SEPTIN10: variants seen among roughly 807,000 people sequenced by gnomAD.
SEPTIN10 encodes septin-10.
Under a neutral mutation model 54.8 loss-of-function variants are expected in SEPTIN10, and 66 were observed. The ratio of observed to expected loss-of-function variants is 1.21; its 90% CI spans 0.99 to 1.48. The LOEUF is 1.48. Among genes scored for constraint, SEPTIN10 ranks in the 40% most tolerant of loss-of-function variants. SEPTIN10 has a pLI of 0.00. For missense variants in SEPTIN10, 620 were observed against 545.6 expected, an observed-to-expected ratio of 1.14 and a Z score of -1.36; for synonymous variants, 161 against 181.0, an observed-to-expected ratio of 0.89 and a Z score of 0.89.
chr2:109,589,968 G>C (rs934663008), intron 2 of SEPTIN10, among the ~76,000 whole-genome samples: 1 of 151,770 alleles, frequency 6.6e-6, no homozygotes, highest in African/African-American at 2.4e-5. Flanking sequence ...ACTGAGGTCA[G>C]AGTTTTTAAA....
chr2:109,565,811 C>A lies in SEPTIN10; in HGVS notation c.811G>T (p.Gly271Ter). ...VVGSMDEVKV[G>*]NKMVKARQYP... ...TGGCGAGCTTTGACCATCTTGTTTCCGACTTTTACCTCATCCATACTTCCC... is the reference window on the plus strand; with the variant it reads ...TGGCGAGCTTTGACCATCTTGTTTCAGACTTTTACCTCATCCATACTTCCC... Residue 271 changes from glycine to a stop codon, truncating the protein, a stop_gained, in exon 7 of 11, where the codon GGA (glycine) becomes TGA (stop). Coordinates refer to ENST00000397712, the MANE Select transcript of SEPTIN10 (RefSeq NM_144710.5). LOFTEE classifies it high-confidence loss of function. 6.2e-7 allele frequency: 1 copy of A among 1,614,014 alleles called. No homozygotes were observed. Among genetic ancestry groups the A allele is most frequent in the Non-Finnish European group, 8.5e-7 (1 of 1,179,998 alleles).
chr2:109,585,530 A>G lies in SEPTIN10; in HGVS notation c.217+191T>C, dbSNP rs143501537. ...ACTCAGGACTCTGACAACAACACTG[A>G]GATGTTTATATAACAAGCCAAAAGC... is the stretch of plus-strand genomic sequence containing the variant. On this transcript the variant is annotated intron_variant, in intron 3 of 10. Coordinates refer to ENST00000397712, the MANE Select transcript of SEPTIN10 (RefSeq NM_144710.5). Among the ~76,000 whole-genome samples the G allele has an allele frequency of 5.5e-3, 837 of 152,334 alleles. 5 individuals carry two copies. Among genetic ancestry groups the G allele is most frequent in the African/African-American group, 0.019 (790 of 41,574 alleles).
intron 8 of SEPTIN10, among the ~76,000 whole-genome samples, chr2:109,557,136 G>A (rs1684557241): frequency 6.6e-6 from 1 of 151,862 alleles, no homozygotes; most frequent in African/African-American, 2.4e-5. Context: ...AAACCAGCAC[G>A]TTGTGCACAT....
At chr2:109,599,854 A>C (rs1473933904) in intron 1 of SEPTIN10, among the ~76,000 whole-genome samples, 1 of 152,206 alleles carries the variant, frequency 6.6e-6, no homozygotes, top group Non-Finnish European at 1.5e-5. Flanking sequence ...TATAGAAAAA[A>C]TATCATTTCT....
chr2:109,545,973 G>T, intron 10 of SEPTIN10, 77 bp downstream of exon 10: 1 of 1,493,014 alleles, frequency 6.7e-7, no homozygotes. Flanking sequence ...GCAGAAGTAA[G>T]AAGCGCTAGG....
At position 109,585,823 on chromosome 2, in the gene SEPTIN10, G is replaced by C. The variant is rs373616560; in HGVS notation, c.115C>G (p.Arg39Gly). 4 of 1,607,790 alleles carry C rather than the reference G, an allele frequency of 2.5e-6. No individual in the cohort carries two copies. In the South Asian group the frequency reaches 3.3e-5, roughly 13 times the overall value. Residue 39 changes from arginine (R) to glycine (G), a missense_variant, in exon 3 of 11, where the codon CGT (arginine) becomes GGT (glycine). By Grantham distance (125) the Arg-to-Gly change is moderately radical (BLOSUM62 -2). Coordinates refer to ENST00000397712, the MANE Select transcript of SEPTIN10 (RefSeq NM_144710.5). ...ACATGGCCAGACATAGTCAACGAAC[G>C]AATGTTTTCTCTTTTCTGAAGGAAA... is the stretch of plus-strand genomic sequence containing the variant. The part of the protein sequence containing the change: ...DDEQIKRENI[R>G]SLTMSGHVGF...
intron 10 of SEPTIN10, chr2:109,545,300 A>T: frequency 6.9e-7 from 1 of 1,440,534 alleles, no homozygotes; most frequent in Non-Finnish European, 9.1e-7. Context: ...AAATAAAACA[A>T]GGGACACAAA....
At position 109,613,928 on chromosome 2, in the gene SEPTIN10, C is replaced by CG; in HGVS notation, c.-102dup. 1 of 1,113,454 alleles carries CG rather than the reference C, an allele frequency of 9.0e-7. No homozygotes were observed. The highest frequency in any genetic ancestry group is 4.8e-5 in the East Asian group (1 of 20,620). 69.0% of individuals were successfully genotyped at this position (1,113,454 alleles called of 1,614,324 possible). ...AAGGCCGGAGGGCAGAAGCAACGGG[C>CG]GGGGCGCGAGGCTAGGCTGCCTCCG... On this transcript the variant is annotated 5_prime_UTR_variant, in exon 1 of 11. Coordinates refer to ENST00000397712, the MANE Select transcript of SEPTIN10 (RefSeq NM_144710.5).
intron 1 of SEPTIN10, among the ~76,000 whole-genome samples, chr2:109,601,362 T>A (rs963114849): frequency 6.6e-6 from 1 of 152,216 alleles, no homozygotes; most frequent in African/African-American, 2.4e-5. Flanking sequence ...AAATACATAT[T>A]TCACAATAAA....
intron 1 of SEPTIN10, chr2:109,604,804 G>C (rs1697565421): frequency 6.6e-6 from 1 of 152,182 alleles, no homozygotes; most frequent in Non-Finnish European, 1.5e-5. Flanking sequence ...AAATCACAGT[G>C]AGCTCATCAC....
At chr2:109,600,260 G>T (rs1374446052) in intron 1 of SEPTIN10, among the ~76,000 whole-genome samples, 1 of 152,000 alleles carries the variant, frequency 6.6e-6, no homozygotes, top group East Asian at 1.9e-4. Context: ...TTTCTCCCCA[G>T]CACCCACATG....
intron 6 of SEPTIN10, 120 bp from the exon 7 acceptor site, chr2:109,565,979 A>T: frequency 1.1e-6 from 1 of 884,556 alleles, no homozygotes; most frequent in Non-Finnish European, 1.8e-6. Flanking sequence ...TCGAATGGTC[A>T]GCTATGCCTC....
chr2:109,595,903 C>T (rs1008261717), intron 1 of SEPTIN10, among the ~76,000 whole-genome samples: 10 of 152,288 alleles, frequency 6.6e-5, no homozygotes, highest in African/African-American at 1.9e-4. Context: ...CCATGCTTGT[C>T]GTTAATTCCG....
intron 7 of SEPTIN10, 65 bp downstream of exon 7, chr2:109,565,698 C>T: frequency 2.3e-6 from 3 of 1,311,224 alleles, no homozygotes; most frequent in Admixed American, 1.7e-5. Context: ...CCAAAGAAGG[C>T]ATGACAGGTA....
In SEPTIN10 at chr2:109,565,856, G is replaced by A. The variant is rs1407840783; in HGVS notation, c.766C>T (p.Gln256Ter). The change falls in exon 7 of 11, where the codon CAG becomes TAG. Residue 256 changes from glutamine to a stop codon, truncating the protein, a stop_gained. Transcript: ENST00000397712. LOFTEE classifies it high-confidence loss of function. ...CTTCCCACAACAGCAAACGGCAACT[G>A]TCCCTGAAAAAGAATATCGAGCACA... ...IAKVNAAMNG[Q>*]LPFAVVGSMD... The A allele has an allele frequency of 1.2e-6, 2 of 1,613,700 alleles. No homozygotes were observed. The highest frequency in any genetic ancestry group is 4.5e-5 in the East Asian group (2 of 44,870).
intron 8 of SEPTIN10, among the ~76,000 whole-genome samples, chr2:109,562,874 C>T (rs780802396): frequency 9.2e-5 from 14 of 151,832 alleles, no homozygotes; most frequent in Admixed American, 1.3e-4. Flanking sequence ...GCATCCTATG[C>T]CTGAATTTGG....
intron 5 of SEPTIN10, among the ~76,000 whole-genome samples, chr2:109,570,021 C>T (rs1054915562): frequency 6.7e-6 from 1 of 150,280 alleles, no homozygotes; most frequent in Non-Finnish European, 1.5e-5. Flanking sequence ...CTGCCAACTG[C>T]CCCTACAAAA....
At chr2:109,576,005 C>G (rs1689599897) in intron 4 of SEPTIN10, among the ~76,000 whole-genome samples, 1 of 152,088 alleles carries the variant, frequency 6.6e-6, no homozygotes, top group African/African-American at 2.4e-5. Context: ...ATCTGTAATC[C>G]TAGTTGTTTG....
At chr2:109,557,769 GATTT>G (rs981090753) in intron 8 of SEPTIN10, among the ~76,000 whole-genome samples, 2 of 151,790 alleles carry the variant, frequency 1.3e-5, no homozygotes, top group African/African-American at 2.4e-5. Flanking sequence ...TCTTATCATA[GATTT>G]ATTAAATAAA....
Sources: gnomAD v4.1 joint callset for allele counts (sites outside exome capture counted in the v4.1 genomes callset) on GRCh38, gnomAD v4.1.1 for gene constraint, MANE v1.5 for transcripts, NCBI Gene and HGNC (gene_info 2026-07-23, HGNC 2026-07-21) for gene names.